Variants in UBIAD1 observed in about 807,000 individuals in gnomAD.
The protein encoded by UBIAD1 is ubiA prenyltransferase domain-containing protein 1.
Under a neutral mutation model 20.1 loss-of-function variants are expected in UBIAD1, and 12 were observed. That is an observed-to-expected ratio of 0.60 (90% CI 0.38 to 0.97). The LOEUF (loss-of-function observed/expected upper bound fraction) is 0.97, where lower values mean the gene tolerates loss of function less well. Ranked by LOEUF, UBIAD1 falls within the 50% of genes least tolerant of loss-of-function variation. The pLI, the probability that UBIAD1 is intolerant of heterozygous loss-of-function variation, is 0.00. For missense variants in UBIAD1, 333 were observed against 419.5 expected (o/e 0.79, Z 1.80); for synonymous variants, 207 against 189.2 (o/e 1.09, Z -0.77).
downstream of UBIAD1, among the ~76,000 whole-genome samples, chr1:11,290,143 G>C (rs1638343310): frequency 6.6e-6 from 1 of 152,230 alleles, no homozygotes; most frequent in Non-Finnish European, 1.5e-5. Context: ...TGAGATTACA[G>C]GCGTGAGCCC....
intron 1 of UBIAD1, among the ~76,000 whole-genome samples, chr1:11,279,707 C>T (rs546492015): frequency 7.9e-5 from 12 of 152,326 alleles, no homozygotes; most frequent in Middle Eastern, 3.4e-3. Flanking sequence ...TGAGCCACTG[C>T]GCCTGGCCAA....
chr1:11,296,361 A>G (rs1214207900), downstream of UBIAD1, among the ~76,000 whole-genome samples: 1 of 152,156 alleles, frequency 6.6e-6, no homozygotes, highest in African/African-American at 2.4e-5. Context: ...ACCCTCAGAC[A>G]AGCTACATAA....
intron 1 of UBIAD1, among the ~76,000 whole-genome samples, chr1:11,274,865 C>G (rs968897085): frequency 2.0e-5 from 3 of 152,214 alleles, no homozygotes; most frequent in Non-Finnish European, 2.9e-5. Context: ...GTCTTGCCCT[C>G]CCAAAGTGCT....
chr1:11,280,956 T>A (rs1652221197), intron 1 of UBIAD1, among the ~76,000 whole-genome samples: 2 of 152,022 alleles, frequency 1.3e-5, no homozygotes, highest in Non-Finnish European at 2.9e-5. Flanking sequence ...TTACAGTGAC[T>A]CCCTAGGGCC....
At position 11,282,705 on chromosome 1, in the gene UBIAD1, GGCGTGC is replaced by G. The variant is rs201312275; in HGVS notation, c.530-2938_530-2933del. Among the ~76,000 whole-genome samples, 46 of 151,746 alleles carry G rather than the reference GGCGTGC, an allele frequency of 3.0e-4. No homozygotes were observed. In the East Asian group the frequency reaches 8.3e-3, roughly 28 times the overall value. ...AGCCTCCCGAGTAGCTGGGATTACA[GGCGTGC>G]ACCACCATGCCCGGCTAATTTTTTT... On this transcript the variant is annotated intron_variant, in intron 1 of 1. Transcript: ENST00000376810.
chr1:11,290,414 C>T (rs575206170), downstream of UBIAD1, among the ~76,000 whole-genome samples: 3 of 152,322 alleles, frequency 2.0e-5, no homozygotes, highest in South Asian at 6.2e-4. Context: ...TCATAAAGCC[C>T]CTTCCTGGTG....
chr1:11,273,951 G>T lies in UBIAD1; in HGVS notation c.420G>T (p.Thr140=). The T allele has an allele frequency of 1.2e-6, 2 of 1,614,236 alleles. No homozygotes were observed. The highest frequency in any genetic ancestry group is 1.7e-6 in the Non-Finnish European group (2 of 1,180,050). Residue 140 remains threonine (T), a synonymous_variant, in exon 1 of 2, where the codon ACG becomes ACT. Transcript: ENST00000376810. This position sits in a 1 kb window ranked among gnomAD's most constrained non-coding sequence, Gnocchi z 4.9. ...DVVRFGVFLY[T]LGCVCAACLY... is the part of the protein sequence containing the mutation. Reference sequence around the variant, plus strand: ...TCCGGTTCGGAGTCTTCCTCTACACGTTGGGCTGCGTCTGTGCCGCTTGCC... The same window carrying T: ...TCCGGTTCGGAGTCTTCCTCTACACTTTGGGCTGCGTCTGTGCCGCTTGCC...
intron 1 of UBIAD1, chr1:11,278,618 T>C: frequency 1.4e-6 from 2 of 1,430,070 alleles, no homozygotes; most frequent in South Asian, 3.2e-5. Flanking sequence ...AAATTAATTG[T>C]TGTATGTTTG....
Position 11,273,377 on chromosome 1 carries a change from C to A in UBIAD1, c.-155C>A. On this transcript the variant is annotated 5_prime_UTR_variant, in exon 1 of 2. It adds an upstream start codon to the 5' untranslated region. Transcript: ENST00000376810. The surrounding 1 kb of genome is among the most constrained non-coding windows in gnomAD (Gnocchi z 4.9). ...CCTCGTGGGGTGTAAGACCCACTTG[C>A]TGTTGCCCCCGGACCTTGCCGCCAC... 2 of 870,856 alleles carry A rather than the reference C, an allele frequency of 2.3e-6. No homozygotes were observed. The highest frequency in any genetic ancestry group is 3.6e-6 in the Non-Finnish European group (2 of 560,522). 53.9% of individuals were successfully genotyped at this position (870,856 alleles called of 1,614,324 possible). A position where few individuals can be genotyped will look rare whatever the true frequency, so the allele number is the denominator to read the frequency against.
rs76471581 is a variant in UBIAD1, at chr1:11,280,998, C to T, written c.530-4646C>T. 8.6e-4 allele frequency among the ~76,000 whole-genome samples: 131 copies of T among 152,198 alleles called. 4 individuals carry two copies. In the East Asian group the frequency reaches 0.019, roughly 22 times the overall value. ...TCTTTGCCCACCTTTTGCCCTCCCC[C>T]CAGTTCTCTGACCCACCCTCCTCCT... is the stretch of plus-strand genomic sequence containing the variant. On this transcript the variant is annotated intron_variant, in intron 1 of 1. Coordinates refer to ENST00000376810, the MANE Select transcript of UBIAD1 (RefSeq NM_013319.3).
intron 1 of UBIAD1, among the ~76,000 whole-genome samples, chr1:11,282,626 C>T (rs542611130): frequency 2.0e-5 from 3 of 148,346 alleles, no homozygotes; most frequent in South Asian, 2.1e-4. Context: ...TACAATGGTG[C>T]GACCTCTGCT....
chr1:11,296,345 C>T (rs766364663), downstream of UBIAD1, among the ~76,000 whole-genome samples: 33 of 152,138 alleles, frequency 2.2e-4, no homozygotes, highest in African/African-American at 3.9e-4. Context: ...CACTCACCCC[C>T]GGGATACCCT....
chr1:11,297,803 C>G (rs1638471021), downstream of UBIAD1, among the ~76,000 whole-genome samples: 1 of 152,150 alleles, frequency 6.6e-6, no homozygotes. Context: ...AGTGGCCTGT[C>G]CTTCAGAGAG....
intron 1 of UBIAD1, among the ~76,000 whole-genome samples, chr1:11,277,293 C>CTTTTT (rs56363441): frequency 7.0e-6 from 1 of 142,862 alleles, no homozygotes; most frequent in African/African-American, 2.6e-5. Context: ...GTACCTGCTA[C>CTTTTT]TTTTTTTTTT....
chr1:11,293,188 C>T (rs1195167443), downstream of UBIAD1, among the ~76,000 whole-genome samples: 3 of 152,022 alleles, frequency 2.0e-5, no homozygotes, highest in Non-Finnish European at 2.9e-5. Context: ...TTGGTCTGGG[C>T]GCTTCTATGA....
intron 1 of UBIAD1, among the ~76,000 whole-genome samples, chr1:11,282,929 C>T (rs538850978): frequency 5.3e-5 from 8 of 150,152 alleles, no homozygotes; most frequent in East Asian, 4.0e-4. Flanking sequence ...GGCACGATCT[C>T]GGCTCACCAC....
At chr1:11,281,757 A>G (rs2878409) in intron 1 of UBIAD1, among the ~76,000 whole-genome samples, 9,937 of 152,248 alleles carry the variant, frequency 0.065, 452 homozygotes, top group Middle Eastern at 0.099. Context: ...CAGGAAAAGA[A>G]CCACTGTTCT....
At chr1:11,280,609 T>A (rs1652209956) in intron 1 of UBIAD1, among the ~76,000 whole-genome samples, 1 of 152,344 alleles carries the variant, frequency 6.6e-6, no homozygotes, top group East Asian at 1.9e-4. Context: ...TTTTGCTCAA[T>A]GGCAGCTTCA....
intron 1 of UBIAD1, 43 bp downstream of exon 1, chr1:11,274,103 T>G (rs763246532): frequency 6.2e-7 from 1 of 1,611,904 alleles, no homozygotes; most frequent in Non-Finnish European, 8.5e-7. Context: ...CTTAGTCGCG[T>G]CCACTGGAAA....
Sources: allele counts gnomAD v4.1 joint callset (sites outside exome capture counted in the v4.1 genomes callset), GRCh38; gene constraint gnomAD v4.1.1; non-coding constraint Gnocchi (gnomAD v3.1); transcripts MANE v1.5; gene names NCBI Gene and HGNC (gene_info 2026-07-23, HGNC 2026-07-21).